ANKRD55: variants seen among roughly 807,000 people sequenced by gnomAD.
The protein encoded by ANKRD55 is ankyrin repeat domain-containing protein 55.
A neutral mutation model predicts 60.6 loss-of-function variants in ANKRD55; 41 were observed. That is an observed-to-expected ratio of 0.68 (90% CI 0.53 to 0.88). ANKRD55 has a LOEUF of 0.88. Among genes scored for constraint, ANKRD55 ranks in the 40% least tolerant of loss-of-function variants. The probability of loss-of-function intolerance (pLI) is 0.00; values close to 1 mark genes in which losing one functional copy is unlikely to be tolerated. For synonymous variants in ANKRD55, 264 were observed against 290.3 expected (o/e 0.91, Z 0.92); for missense variants, 732 against 767.6 (o/e 0.95, Z 0.55).
At chr5:56,223,250 A>G (rs920104496) in intron 2 of ANKRD55, among the ~76,000 whole-genome samples, 2 of 152,172 alleles carry the variant, frequency 1.3e-5, no homozygotes, top group African/African-American at 4.8e-5. Context: ...ATCCAGCCAA[A>G]CTAAGCTTCA....
At chr5:56,210,260 G>A (rs373200638) in intron 2 of ANKRD55, among the ~76,000 whole-genome samples, 131 of 152,040 alleles carry the variant, frequency 8.6e-4, no homozygotes, top group Admixed American at 2.2e-3. Flanking sequence ...CCTTTCTATT[G>A]TCTCTACCCA....
chr5:56,228,804 C>T (rs776462847), intron 2 of ANKRD55, among the ~76,000 whole-genome samples: 11 of 152,188 alleles, frequency 7.2e-5, no homozygotes, highest in South Asian at 2.1e-4. Flanking sequence ...AGCTACCCAG[C>T]TTGTGATAAT....
intron 2 of ANKRD55, chr5:56,192,538 A>G (rs1759124170): frequency 2.8e-6 from 1 of 354,894 alleles, no homozygotes; most frequent in Non-Finnish European, 5.5e-6. Flanking sequence ...ACAGAAATAC[A>G]CTTTCCGAGA....
intron 6 of ANKRD55, among the ~76,000 whole-genome samples, chr5:56,155,913 C>G (rs896258057): frequency 6.6e-6 from 1 of 150,472 alleles, no homozygotes; most frequent in African/African-American, 2.4e-5. Context: ...TATACACATA[C>G]ACATACATAT....
chr5:56,137,699 A>G (rs1055413193), intron 7 of ANKRD55, among the ~76,000 whole-genome samples: 1 of 151,874 alleles, frequency 6.6e-6, no homozygotes, highest in African/African-American at 2.4e-5. Context: ...TTAAAATCAA[A>G]AACTTCTCTG....
chr5:56,181,543 G>A (rs1405509501), intron 3 of ANKRD55, among the ~76,000 whole-genome samples: 1 of 152,094 alleles, frequency 6.6e-6, no homozygotes, highest in African/African-American at 2.4e-5. Flanking sequence ...CAGTCTTACA[G>A]CCCTAACATC....
At chr5:56,183,427 A>G (rs1758893578) in intron 3 of ANKRD55, 85 bp downstream of exon 3, 1 of 1,546,794 alleles carries the variant, frequency 6.5e-7, no homozygotes, top group Non-Finnish European at 8.8e-7. Flanking sequence ...TCAGATATAC[A>G]TTTATTAACA....
intron 3 of ANKRD55, among the ~76,000 whole-genome samples, chr5:56,182,810 G>A (rs1389510878): frequency 3.9e-5 from 6 of 152,238 alleles, no homozygotes; most frequent in Non-Finnish European, 8.8e-5. Flanking sequence ...AGTCTTTGCT[G>A]GAACGAGTGG....
At chr5:56,175,038 C>T (rs1203088955) in intron 4 of ANKRD55, among the ~76,000 whole-genome samples, 1 of 152,106 alleles carries the variant, frequency 6.6e-6, no homozygotes, top group Non-Finnish European at 1.5e-5. Context: ...GAAACAAGCA[C>T]CCCAAGGGAT....
chr5:56,107,741 C>A lies in ANKRD55; in HGVS notation c.1630+3377G>T, dbSNP rs188425504. 2.2e-3 allele frequency among the ~76,000 whole-genome samples: 329 copies of A among 152,264 alleles called. 3 individuals carry two copies. The highest frequency in any genetic ancestry group is 7.7e-3 in the African/African-American group (318 of 41,546). Reference sequence around the variant, plus strand: ...TTCCTTCCTCCTGCTCCATCAGCCCCTCGAGGAGAGAAGCCATACATTAGG... The same window carrying A: ...TTCCTTCCTCCTGCTCCATCAGCCCATCGAGGAGAGAAGCCATACATTAGG... On this transcript the variant is annotated intron_variant, in intron 10 of 11. Transcript: ENST00000341048.
intron 2 of ANKRD55, among the ~76,000 whole-genome samples, chr5:56,189,843 G>A (rs1425764111): frequency 6.6e-6 from 1 of 152,188 alleles, no homozygotes; most frequent in East Asian, 1.9e-4. Flanking sequence ...ATACTCAGAA[G>A]TGGAATTGCT....
intron 2 of ANKRD55, among the ~76,000 whole-genome samples, chr5:56,185,985 T>G (rs160935): frequency 0.43 from 65,825 of 152,036 alleles, 17,794 homozygotes; most frequent in African/African-American, 0.76. Context: ...TTTGTTTTAG[T>G]CAGACTCACT....
In ANKRD55 at chr5:56,152,895, TA is replaced by T. The variant is rs1210377657; in HGVS notation, c.483+6937del. On this transcript the variant is annotated intron_variant, in intron 6 of 11. Transcript: ENST00000341048. ...TTCTTGGGGTAGAGAAGGCCTTCTT[TA>T]AAAAGACATCAAAAGAAAAAGCAGA... is the stretch of plus-strand genomic sequence containing the variant. Among the ~76,000 whole-genome samples, 17 of 152,172 alleles carry T rather than the reference TA, an allele frequency of 1.1e-4. No homozygotes were observed. The East Asian group carries it at 3.3e-3, about 29-fold the overall frequency.
At chr5:56,167,238 G>A (rs952728956) in intron 5 of ANKRD55, among the ~76,000 whole-genome samples, 6 of 152,168 alleles carry the variant, frequency 3.9e-5, no homozygotes, top group South Asian at 2.1e-4. Flanking sequence ...ATGGTAGAGC[G>A]TACTACACAC....
intron 4 of ANKRD55, among the ~76,000 whole-genome samples, chr5:56,171,833 T>G (rs1341713469): frequency 6.6e-6 from 1 of 152,112 alleles, no homozygotes; most frequent in Non-Finnish European, 1.5e-5. Context: ...AAAATCAAAA[T>G]GTTGTCTGGG....
chr5:56,148,412 G>A (rs772524689), intron 6 of ANKRD55, among the ~76,000 whole-genome samples: 2 of 152,160 alleles, frequency 1.3e-5, no homozygotes, highest in Non-Finnish European at 2.9e-5. Context: ...AGAGTGAGGA[G>A]GAACACATAT....
chr5:56,162,020 C>T, intron 5 of ANKRD55: 2 of 985,318 alleles, frequency 2.0e-6, no homozygotes, highest in South Asian at 9.4e-5. Context: ...TCCTTTCTGT[C>T]TTCTCTGGCT....
intron 2 of ANKRD55, among the ~76,000 whole-genome samples, chr5:56,231,210 A>G (rs1232589612): frequency 1.3e-5 from 2 of 152,250 alleles, no homozygotes; most frequent in Non-Finnish European, 2.9e-5. Context: ...AGAGATAAAG[A>G]TGGCAGGGAG....
At chr5:56,188,225 G>A (rs1299084082) in intron 2 of ANKRD55, among the ~76,000 whole-genome samples, 2 of 152,070 alleles carry the variant, frequency 1.3e-5, no homozygotes, top group East Asian at 3.9e-4. Context: ...TTGATATGTT[G>A]ACTGGGGTTG....
Sources: allele counts gnomAD v4.1 joint callset (sites outside exome capture counted in the v4.1 genomes callset), GRCh38; gene constraint gnomAD v4.1.1; transcripts MANE v1.5; gene names NCBI Gene and HGNC (gene_info 2026-07-23, HGNC 2026-07-21).